PRKCH: variants seen among roughly 807,000 people sequenced by gnomAD.
PRKCH encodes the protein protein kinase C eta.
A neutral mutation model predicts 82.5 loss-of-function variants in PRKCH; 28 were observed. The ratio of observed to expected loss-of-function variants is 0.34; its 90% CI spans 0.25 to 0.47. The LOEUF (loss-of-function observed/expected upper bound fraction) is 0.47. Among genes scored for constraint, PRKCH ranks in the 20% least tolerant of loss-of-function variants. The probability of loss-of-function intolerance (pLI) is 1.00; values close to 1 mark genes in which losing one functional copy is unlikely to be tolerated. For synonymous variants in PRKCH, 322 were observed against 327.4 expected (o/e 0.98, Z 0.18); for missense variants, 705 against 881.8 (o/e 0.80, Z 2.54).
chr14:61,223,491 T>A (rs2044671268), intron 1 of PRKCH, among the ~76,000 whole-genome samples: 1 of 152,146 alleles, frequency 6.6e-6, no homozygotes, highest in African/African-American at 2.4e-5. Context: ...ACCCACAACC[T>A]CATCTTTGGC....
chr14:61,280,841 G>A lies in PRKCH; in HGVS notation c.-19+93173G>A. 6.4e-7 allele frequency: 1 copy of A among 1,565,680 alleles called. No homozygotes were observed. Among genetic ancestry groups the A allele is most frequent in the East Asian group, 2.3e-5 (1 of 43,746 alleles). On this transcript the variant is annotated intron_variant, in intron 1 of 3. Transcript: ENST00000555185. The surrounding 1 kb of genome is among the most constrained non-coding windows in gnomAD (Gnocchi z 5.0). ...TAGAGGTACACTGGGCCCTGGAAGA[G>A]CTCGGGCAGCGAGAAGTACCAGGCG...
At chr14:61,487,958 C>G (rs1886299549) in intron 10 of PRKCH, among the ~76,000 whole-genome samples, 1 of 152,054 alleles carries the variant, frequency 6.6e-6, no homozygotes, top group South Asian at 2.1e-4. Context: ...TCGAGACCAT[C>G]CTGGCTAACA....
At chr14:61,540,442 A>G (rs977325467) in intron 12 of PRKCH, among the ~76,000 whole-genome samples, 1 of 152,202 alleles carries the variant, frequency 6.6e-6, no homozygotes, top group Non-Finnish European at 1.5e-5. Context: ...AGTCTAGCGT[A>G]GGGACTGAGA....
intron 2 of PRKCH, among the ~76,000 whole-genome samples, chr14:61,418,179 T>C (rs577640765): frequency 6.6e-6 from 1 of 152,348 alleles, no homozygotes; most frequent in East Asian, 1.9e-4. Context: ...TAAGTGTACT[T>C]GTCATGTAGA....
At chr14:61,484,291 CTTT>C (rs71449556) in intron 9 of PRKCH, among the ~76,000 whole-genome samples, 8 of 86,408 alleles carry the variant, frequency 9.3e-5, no homozygotes, top group South Asian at 4.4e-4. Context: ...GCTTGTGTCA[CTTT>C]TTTTTTTTTT....
At chr14:61,464,050 G>A (rs1566897195) in intron 9 of PRKCH, among the ~76,000 whole-genome samples, 2 of 152,152 alleles carry the variant, frequency 1.3e-5, no homozygotes, top group African/African-American at 4.8e-5. Context: ...GCATCTTTTC[G>A]ACATGCTGAT....
intron 2 of PRKCH, among the ~76,000 whole-genome samples, chr14:61,441,708 T>C (rs912320482): frequency 3.3e-5 from 5 of 151,664 alleles, no homozygotes; most frequent in African/African-American, 1.2e-4. Context: ...AGTTTCTTTC[T>C]TTCAATTTTC....
At chr14:61,389,975 A>G (rs532441222) in intron 1 of PRKCH, among the ~76,000 whole-genome samples, 34 of 152,340 alleles carry the variant, frequency 2.2e-4, no homozygotes, top group African/African-American at 7.0e-4. Context: ...TTCAGATGAA[A>G]GGTCAAAGGC....
At chr14:61,444,315 C>T (rs995770328) in intron 3 of PRKCH, among the ~76,000 whole-genome samples, 3 of 152,114 alleles carry the variant, frequency 2.0e-5, no homozygotes, top group South Asian at 2.1e-4. Context: ...TTTGAGTTCA[C>T]GTTTCCTCTT....
chr14:61,247,238 T>G (rs1367462988), intron 1 of PRKCH, among the ~76,000 whole-genome samples: 1 of 152,054 alleles, frequency 6.6e-6, no homozygotes, highest in Non-Finnish European at 1.5e-5. Flanking sequence ...AAGTGTCCCC[T>G]TAAAGCAAAG....
intron 9 of PRKCH, among the ~76,000 whole-genome samples, chr14:61,472,477 T>A (rs933916847): frequency 2.0e-5 from 3 of 152,158 alleles, no homozygotes; most frequent in African/African-American, 7.2e-5. Flanking sequence ...CCAACCAGCA[T>A]GGGAAAACGT....
chr14:61,453,553 T>C (rs1263599935), intron 7 of PRKCH, among the ~76,000 whole-genome samples, 200 bp downstream of exon 7: 1 of 151,952 alleles, frequency 6.6e-6, no homozygotes, highest in Non-Finnish European at 1.5e-5. Flanking sequence ...TCTTCCTTTC[T>C]TTCTTTCTCT....
At chr14:61,468,783 C>T (rs1331605099) in intron 9 of PRKCH, among the ~76,000 whole-genome samples, 5 of 152,164 alleles carry the variant, frequency 3.3e-5, no homozygotes, top group Admixed American at 6.5e-5. Context: ...TCCATGTCTG[C>T]TAAGATAGTA....
Position 61,449,672 on chromosome 14 carries a change from C to T in PRKCH, c.702+420C>T, listed in dbSNP as rs1235472246. Among the ~76,000 whole-genome samples the T allele has an allele frequency of 5.3e-5, 8 of 152,158 alleles. No individual in the cohort carries two copies. The East Asian group carries it at 7.7e-4, about 15-fold the overall frequency. On this transcript the variant is annotated intron_variant, in intron 5 of 13. Coordinates refer to ENST00000332981, the MANE Select transcript of PRKCH (RefSeq NM_006255.5). ...TGTTAGCCATCTTCTCTATGAGCTGCGGCAAGGCCTACAATCTCTCTTTTC... is the reference window on the plus strand; with the variant it reads ...TGTTAGCCATCTTCTCTATGAGCTGTGGCAAGGCCTACAATCTCTCTTTTC...
intron 1 of PRKCH, among the ~76,000 whole-genome samples, chr14:61,388,952 G>A (rs1440404435): frequency 2.6e-5 from 4 of 152,226 alleles, no homozygotes; most frequent in African/African-American, 4.8e-5. Context: ...GAACAAAGCA[G>A]GCATCTTTTA....
intron 2 of PRKCH, among the ~76,000 whole-genome samples, chr14:61,412,855 G>A (rs1013788358): frequency 2.0e-5 from 3 of 151,904 alleles, no homozygotes; most frequent in Admixed American, 1.3e-4. Flanking sequence ...CCTCAGTGTG[G>A]CCATCTCTTT....
chr14:61,423,197 C>G (rs933216621), intron 2 of PRKCH, among the ~76,000 whole-genome samples: 4 of 152,164 alleles, frequency 2.6e-5, no homozygotes, highest in African/African-American at 7.2e-5. Context: ...ATCCTAGAGA[C>G]TAAGAAACGG....
At chr14:61,228,884 A>G (rs2044718118) in intron 1 of PRKCH, among the ~76,000 whole-genome samples, 4 of 151,458 alleles carry the variant, frequency 2.6e-5, no homozygotes, top group Admixed American at 1.3e-4. Flanking sequence ...CTTTAAAAAA[A>G]ATTTTTTTTA....
At chr14:61,404,270 G>A (rs1395084168) in intron 2 of PRKCH, among the ~76,000 whole-genome samples, 2 of 152,164 alleles carry the variant, frequency 1.3e-5, no homozygotes, top group African/African-American at 4.8e-5. Flanking sequence ...ACAGTGGCCT[G>A]AGGTTGCAGA....
Sources: gnomAD v4.1 joint callset for allele counts (sites outside exome capture counted in the v4.1 genomes callset) on GRCh38, gnomAD v4.1.1 for gene constraint, Gnocchi (gnomAD v3.1) non-coding constraint, MANE v1.5 for transcripts, NCBI Gene and HGNC (gene_info 2026-07-23, HGNC 2026-07-21) for gene names.